The following TYRO3 variants were observed in gnomAD, a reference collection of about 807,000 sequenced individuals.
TYRO3 encodes the protein tyrosine-protein kinase receptor TYRO3.
TYRO3 carries 38 observed loss-of-function variants against 95.2 expected under a neutral mutation model. That is an observed-to-expected ratio of 0.40 (90% CI 0.31 to 0.52). The LOEUF (loss-of-function observed/expected upper bound fraction) is 0.52, where lower values mean the gene tolerates loss of function less well. Among genes scored for constraint, TYRO3 ranks in the 20% least tolerant of loss-of-function variants. The probability of loss-of-function intolerance (pLI) is 0.56; values close to 1 mark genes in which losing one functional copy is unlikely to be tolerated. For synonymous variants in TYRO3, 367 were observed against 432.9 expected (o/e 0.85, Z 1.89); for missense variants, 812 against 1,116.4 (o/e 0.73, Z 3.89).
chr15:41,569,660 G>T (rs2055769638), intron 9 of TYRO3, among the ~76,000 whole-genome samples: 1 of 151,412 alleles, frequency 6.6e-6, no homozygotes, highest in Admixed American at 6.6e-5. Flanking sequence ...CCAGCTACTT[G>T]GGAGGCTGAA....
At chr15:41,560,353 C>G (rs1187209347) in intron 1 of TYRO3, among the ~76,000 whole-genome samples, 2 of 151,390 alleles carry the variant, frequency 1.3e-5, no homozygotes, top group Admixed American at 1.3e-4. Flanking sequence ...GCCCCTCTCT[C>G]TGCTTAAAAA....
rs766144858 is a variant in TYRO3, at chr15:41,573,379, A to G, written c.2057A>G (p.Tyr686Cys). The change falls in exon 17 of 19, where the codon TAT becomes TGT. Residue 686 changes from tyrosine (Y) to cysteine (C), a missense_variant. Physicochemically the swap from Tyr to Cys is radical, Grantham distance 194. Transcript: ENST00000263798. ...CGGAAGATCTACAGTGGGGACTACT[A>G]TCGTCAAGGCTGTGCCTCCAAACTG... ...LSRKIYSGDYYRQGCASKLPV... is the reference protein window; with the variant it reads ...LSRKIYSGDYCRQGCASKLPV... The G allele has an allele frequency of 9.9e-6, 16 of 1,614,072 alleles. No homozygotes were observed. The highest frequency in any genetic ancestry group is 4.2e-6 in the Non-Finnish European group (5 of 1,180,046).
chr15:41,568,878 G>C lies in TYRO3; in HGVS notation c.1108G>C (p.Asp370His), dbSNP rs2055758493. Reference sequence around the variant, plus strand: ...GGGTGGGGGCTTTTCCTGGCTGCAGGATGAGCTGACAGTGGAGGGGACCAG... The same window carrying C: ...GGGTGGGGGCTTTTCCTGGCTGCAGCATGAGCTGACAGTGGAGGGGACCAG... The part of the protein sequence containing the change: ...LSWVQDNGTQ[D>H]ELTVEGTRAN... Residue 370 changes from aspartate to histidine, a missense_variant and splice_region_variant, in exon 9 of 19, where the codon GAT becomes CAT. Asp to His is a moderately conservative substitution (Grantham distance 81). Transcript: ENST00000263798. The C allele has an allele frequency of 3.1e-6, 5 of 1,611,508 alleles. No individual in the cohort carries two copies. Among genetic ancestry groups the C allele is most frequent in the Non-Finnish European group, 4.2e-6 (5 of 1,179,702 alleles).
chr15:41,577,662 A>G, intron 18 of TYRO3: 1 of 387,370 alleles, frequency 2.6e-6, no homozygotes, highest in Non-Finnish European at 4.7e-6. Context: ...TAATTTTTGT[A>G]TTATTATAGA....
At chr15:41,575,218 C>T (rs1778492506) in intron 18 of TYRO3, among the ~76,000 whole-genome samples, 1 of 152,230 alleles carries the variant, frequency 6.6e-6, no homozygotes, top group Non-Finnish European at 1.5e-5. Context: ...GGTAACTCAC[C>T]TACACCTGAG....
Position 41,561,320 on chromosome 15 carries a change from TGTGGGG to T in TYRO3, c.308+12_308+17del. 1 of 1,122,194 alleles carries T rather than the reference TGTGGGG, an allele frequency of 8.9e-7. No individual in the cohort carries two copies. The highest frequency in any genetic ancestry group is 1.3e-6 in the Non-Finnish European group (1 of 791,114). The allele number at this position is 1,122,194 out of a possible 1,614,324, so 69.5% of individuals were successfully genotyped here. On this transcript the variant is annotated intron_variant, in intron 2 of 18. Transcript: ENST00000263798. ...GGATCGGCTTCCTCAGGTGCAGGCC[TGTGGGG>T]GAAGGTGTGGGCTGCCAGCCAGGGG...
chr15:41,569,020 C>A lies in TYRO3; in HGVS notation c.1250C>A (p.Ala417Glu). Residue 417 changes from alanine (A) to glutamate (E), a missense_variant and splice_region_variant, in exon 9 of 19, where the codon GCA (alanine) becomes GAA (glutamate). Coordinates refer to ENST00000263798, the MANE Select transcript of TYRO3 (RefSeq NM_006293.4). ...CTGGTGGTCTCTTCTCATGACCGTG[C>A]AGGTGAGGCTTGTAGGTGGAGAGGG... Reference protein sequence around the residue: ...QPLVVSSHDRAGQQGPPHSRT... With the variant: ...QPLVVSSHDREGQQGPPHSRT... 6.2e-7 allele frequency: 1 copy of A among 1,613,848 alleles called. No homozygotes were observed. The highest frequency in any genetic ancestry group is 8.5e-7 in the Non-Finnish European group (1 of 1,180,002).
Position 41,559,302 on chromosome 15 carries a change from G to A in TYRO3, c.45G>A (p.Leu15=), listed in dbSNP as rs1334084551. 61 of 635,038 alleles carry A rather than the reference G, an allele frequency of 9.6e-5. 15 individuals carry two copies. Among genetic ancestry groups the A allele is most frequent in the Non-Finnish European group, 1.3e-4 (60 of 450,908 alleles). 39.3% of individuals were successfully genotyped at this position (635,038 alleles called of 1,614,324 possible). ...TGGGGCGGCCGGGGCTCCCGCCGCT[G>A]CCGCTGCCGCCGCCACCGCGGCTCG... ...RSMGRPGLPP[L]PLPPPPRLGL... is the part of the protein sequence containing the mutation. Residue 15 remains leucine, a synonymous_variant, in exon 1 of 19, where the codon CTG becomes CTA. Coordinates refer to ENST00000263798, the MANE Select transcript of TYRO3 (RefSeq NM_006293.4).
rs1284611241 is a variant in TYRO3, at chr15:41,579,221, C to T, written c.*945C>T. On this transcript the variant is annotated 3_prime_UTR_variant, in exon 19 of 19. Transcript: ENST00000263798. ...TGAGGGGGAATTCCTGGAACCTGGA[C>T]CCCAGCCTTGGTGGGGGAGCCTCTG... 6.6e-6 allele frequency: 1 copy of T among 152,370 alleles called. No homozygotes were observed. The highest frequency in any genetic ancestry group is 2.4e-5 in the African/African-American group (1 of 41,454). 9.4% of individuals were successfully genotyped at this position (152,370 alleles called of 1,614,324 possible).
chr15:41,566,558 G>C (rs1165825445), intron 6 of TYRO3, among the ~76,000 whole-genome samples: 1 of 152,148 alleles, frequency 6.6e-6, no homozygotes, highest in East Asian at 1.9e-4. Context: ...CCCAAGGATG[G>C]ACCGCAGTGT....
At chr15:41,571,461 C>T in intron 13 of TYRO3, 134 bp from the exon 14 acceptor site, 1 of 676,096 alleles carries the variant, frequency 1.5e-6, no homozygotes, top group East Asian at 2.6e-5. Flanking sequence ...GGGGGTTTCT[C>T]CTGCTCATGG....
In TYRO3 at chr15:41,573,729, A is replaced by G; in HGVS notation, c.2196A>G (p.Pro732=). ...MWEIMTRGQT[P]YAGIENAEIY... ...AGATCATGACACGTGGGCAGACGCCATATGCTGGCATCGAAAACGCTGAGA... is the reference window on the plus strand; with the variant it reads ...AGATCATGACACGTGGGCAGACGCCGTATGCTGGCATCGAAAACGCTGAGA... The change falls in exon 18 of 19, where the codon CCA becomes CCG. Residue 732 remains proline, a synonymous_variant. Coordinates refer to ENST00000263798, the MANE Select transcript of TYRO3 (RefSeq NM_006293.4). 3 of 1,614,260 alleles carry G rather than the reference A, an allele frequency of 1.9e-6. No homozygotes were observed. Among genetic ancestry groups the G allele is most frequent in the Non-Finnish European group, 2.5e-6 (3 of 1,180,052 alleles).
Position 41,565,157 on chromosome 15 carries a change from C to G in TYRO3, c.783+16C>G, listed in dbSNP as rs753929704. ...TACAGTTCAGGTAGGCTCTCCGGGC[C>G]GGGCCATGCTCGTTCTGGCTGCATG... is the stretch of plus-strand genomic sequence containing the variant. On this transcript the variant is annotated intron_variant, in intron 6 of 18. Coordinates refer to ENST00000263798, the MANE Select transcript of TYRO3 (RefSeq NM_006293.4). 1 of 1,441,394 alleles carries G rather than the reference C, an allele frequency of 6.9e-7. No homozygotes were observed. The highest frequency in any genetic ancestry group is 9.7e-7 in the Non-Finnish European group (1 of 1,025,896). 89.3% of individuals were successfully genotyped at this position (1,441,394 alleles called of 1,614,324 possible).
Position 41,572,544 on chromosome 15 carries a change from C to G in TYRO3, c.1855C>G (p.Arg619Gly). The change falls in exon 15 of 19, where the codon CGG becomes GGG. Residue 619 changes from arginine (R) to glycine (G), a missense_variant. Arg to Gly is a moderately radical substitution (Grantham distance 125). Transcript: ENST00000263798. ...CCTGCATGCCTTCCTGCTCGCCTCC[C>G]GGATTGGGGAGAACCCCTTTGTGAG... is the stretch of plus-strand genomic sequence containing the variant. ...GDLHAFLLAS[R>G]IGENPFNLPL... 6.2e-7 allele frequency: 1 copy of G among 1,614,214 alleles called. No homozygotes were observed. Among genetic ancestry groups the G allele is most frequent in the African/African-American group, 1.3e-5 (1 of 75,060 alleles).
At position 41,568,915 on chromosome 15, in the gene TYRO3, C is replaced by A; in HGVS notation, c.1145C>A (p.Thr382Lys). Residue 382 changes from threonine (T) to lysine (K), a missense_variant, in exon 9 of 19, where the codon ACA becomes AAA. Coordinates refer to ENST00000263798, the MANE Select transcript of TYRO3 (RefSeq NM_006293.4). ...LTVEGTRANLTGWDPQKDLIV... is the reference protein window; with the variant it reads ...LTVEGTRANLKGWDPQKDLIV... ...GTGGAGGGGACCAGGGCCAATTTGA[C>A]AGGCTGGGATCCCCAAAAGGACCTG... 6.2e-7 allele frequency: 1 copy of A among 1,612,890 alleles called. No homozygotes were observed. The highest frequency in any genetic ancestry group is 1.1e-5 in the South Asian group (1 of 90,976).
chr15:41,566,237 T>C (rs1303351564), intron 6 of TYRO3, among the ~76,000 whole-genome samples: 1 of 145,992 alleles, frequency 6.8e-6, no homozygotes, highest in African/African-American at 2.6e-5. Flanking sequence ...GACTTGAGCC[T>C]GAGAAGTCAA....
intron 3 of TYRO3, chr15:41,561,998 C>G (rs1369160166): frequency 4.9e-6 from 1 of 205,934 alleles, no homozygotes; most frequent in African/African-American, 2.4e-5. Context: ...CTGTTCAGCC[C>G]AGGAAAACAA....
chr15:41,569,978 G>C (rs776336412), intron 9 of TYRO3, 49 bp from the exon 10 acceptor site: 2 of 1,588,788 alleles, frequency 1.3e-6, no homozygotes, highest in East Asian at 4.5e-5. Context: ...GTTCTGAAGG[G>C]ACCTCATGGT....
At chr15:41,562,459 G>A in intron 3 of TYRO3, 89 bp from the exon 4 acceptor site, 1 of 1,458,280 alleles carries the variant, frequency 6.9e-7, no homozygotes, top group Non-Finnish European at 9.4e-7. Flanking sequence ...CTTCTGCGTG[G>A]AGGACTTCAG....
Sources: allele counts gnomAD v4.1 joint callset (sites outside exome capture counted in the v4.1 genomes callset), GRCh38; gene constraint gnomAD v4.1.1; transcripts MANE v1.5; gene names NCBI Gene and HGNC (gene_info 2026-07-23, HGNC 2026-07-21).